Variants in TMEM131L observed in about 807,000 individuals in gnomAD.
The protein encoded by TMEM131L is transmembrane protein 131-like.
In TMEM131L, 54 loss-of-function variants were observed where a neutral mutation model predicts 192.2. The observed-to-expected ratio is 0.28, with a 90% confidence interval of 0.23 to 0.35. The LOEUF is 0.35. TMEM131L is among the 10% of genes least tolerant of loss of function. TMEM131L has a pLI of 1.00. For synonymous variants in TMEM131L, 701 were observed against 704.9 expected (o/e 0.99, Z 0.09); for missense variants, 1,888 against 1,972.9 (o/e 0.96, Z 0.82).
intron 26 of TMEM131L, among the ~76,000 whole-genome samples, chr4:153,614,935 A>G (rs1416211531): frequency 6.6e-6 from 1 of 152,148 alleles, no homozygotes; most frequent in African/African-American, 2.4e-5. Context: ...TCACATGGCC[A>G]TTTACAAAAG....
At chr4:153,612,070 TAATATA>T (rs1391879916) in intron 25 of TMEM131L, among the ~76,000 whole-genome samples, 176 bp from the exon 26 acceptor site, 2 of 152,224 alleles carry the variant, frequency 1.3e-5, no homozygotes, top group Non-Finnish European at 2.9e-5. Context: ...GTAGAACTCT[TAATATA>T]AGTATACTTT....
At chr4:153,560,560 G>T (rs865977696) in intron 7 of TMEM131L, among the ~76,000 whole-genome samples, 4 of 152,192 alleles carry the variant, frequency 2.6e-5, no homozygotes, top group Non-Finnish European at 5.9e-5. Context: ...ATCCAAAGTT[G>T]TGCAGCCCTC....
At chr4:153,615,163 G>A (rs9995621) in intron 26 of TMEM131L, among the ~76,000 whole-genome samples, 8,579 of 152,240 alleles carry the variant, frequency 0.056, 464 homozygotes, top group African/African-American at 0.12. Flanking sequence ...TGCAAAATAA[G>A]GATGATAATT....
At chr4:153,483,454 G>A (rs145070911) in intron 3 of TMEM131L, among the ~76,000 whole-genome samples, 1 of 152,156 alleles carries the variant, frequency 6.6e-6, no homozygotes, top group African/African-American at 2.4e-5. Context: ...CTAGCACTTT[G>A]AGAGGCTGAG....
chr4:153,504,033 C>T (rs1733793452), intron 3 of TMEM131L, among the ~76,000 whole-genome samples: 1 of 152,086 alleles, frequency 6.6e-6, no homozygotes, highest in Non-Finnish European at 1.5e-5. Context: ...GTGGTGCTAT[C>T]TCGGCTCACT....
intron 3 of TMEM131L, among the ~76,000 whole-genome samples, chr4:153,503,164 T>C (rs1161240778): frequency 6.6e-6 from 1 of 152,280 alleles, no homozygotes; most frequent in Non-Finnish European, 1.5e-5. Context: ...TTAGAAACTT[T>C]CTCAAAAACC....
chr4:153,551,936 C>T (rs1324159526), intron 4 of TMEM131L, among the ~76,000 whole-genome samples: 7 of 152,050 alleles, frequency 4.6e-5, no homozygotes, highest in South Asian at 2.1e-4. Context: ...AGGCTGAGCG[C>T]GGTGGCTCAC....
At chr4:153,549,984 G>T (rs570287494) in intron 3 of TMEM131L, 89 bp from the exon 4 acceptor site, 328 of 544,886 alleles carry the variant, frequency 6.0e-4, no homozygotes, top group African/African-American at 5.9e-3. Context: ...TATATGTCAT[G>T]CATTGAGAGT....
chr4:153,576,213 GC>G (rs1729929409), intron 7 of TMEM131L, among the ~76,000 whole-genome samples: 1 of 152,142 alleles, frequency 6.6e-6, no homozygotes, highest in Non-Finnish European at 1.5e-5. Flanking sequence ...GCCTGCCTCG[GC>G]CTCCCAGAGT....
intron 3 of TMEM131L, among the ~76,000 whole-genome samples, chr4:153,475,111 C>T (rs1384920877): frequency 9.2e-5 from 14 of 152,192 alleles, no homozygotes; most frequent in Admixed American, 9.2e-4. Context: ...CACCCAGCCC[C>T]AATCCTGCTG....
intron 3 of TMEM131L, among the ~76,000 whole-genome samples, chr4:153,538,553 C>CT (rs138323822): frequency 0.16 from 24,876 of 152,202 alleles, 2,256 homozygotes; most frequent in Middle Eastern, 0.22. Flanking sequence ...AGCCACTTAG[C>CT]TTTCTGGTTT....
chr4:153,621,723 T>G lies in TMEM131L; in HGVS notation c.3733T>G (p.Phe1245Val). The change falls in exon 28 of 35, where the codon TTT becomes GTT. Residue 1245 changes from phenylalanine (F) to valine (V), a missense_variant. Coordinates refer to ENST00000409959, the MANE Select transcript of TMEM131L (RefSeq NM_001131007.2). ...QSDLKLVCSD[F>V]ERSELSSDIN... ...TGATCTAAAGCTTGTGTGCAGTGAC[T>G]TTGAGAGGTCTGAGCTGAGCAGTGA... is the stretch of plus-strand genomic sequence containing the variant. 1 of 1,614,178 alleles carries G rather than the reference T, an allele frequency of 6.2e-7. No individual in the cohort carries two copies. Among genetic ancestry groups the G allele is most frequent in the Non-Finnish European group, 8.5e-7 (1 of 1,180,014 alleles).
At chr4:153,605,342 C>T (rs12510162) in intron 25 of TMEM131L, among the ~76,000 whole-genome samples, 11,039 of 152,212 alleles carry the variant, frequency 0.073, 578 homozygotes, top group African/African-American at 0.14. Context: ...TTTGAATATA[C>T]GTATTTCTGT....
chr4:153,589,041 G>A, intron 16 of TMEM131L, 34 bp downstream of exon 16: 3 of 1,140,242 alleles, frequency 2.6e-6, no homozygotes, highest in Non-Finnish European at 4.0e-6. Context: ...TTGTTCGGTG[G>A]TGGGGAGACA....
chr4:153,559,716 C>G (rs1184603878), intron 7 of TMEM131L, among the ~76,000 whole-genome samples: 6 of 152,168 alleles, frequency 3.9e-5, no homozygotes, highest in Admixed American at 3.9e-4. Context: ...ATCCCATTAA[C>G]TGCCAGGATC....
intron 21 of TMEM131L, 132 bp from the exon 22 acceptor site, chr4:153,602,020 T>C (rs1325199044): frequency 3.7e-6 from 2 of 534,858 alleles, no homozygotes; most frequent in African/African-American, 2.0e-5. Context: ...TTTGAGCTTA[T>C]GTTGGATTTT....
chr4:153,564,986 CTT>C (rs1729101059), intron 7 of TMEM131L, among the ~76,000 whole-genome samples: 1 of 152,216 alleles, frequency 6.6e-6, no homozygotes, highest in African/African-American at 2.4e-5. Context: ...CACAAGCTCT[CTT>C]AGCCTCATAA....
intron 3 of TMEM131L, among the ~76,000 whole-genome samples, chr4:153,542,111 G>T (rs1370471771): frequency 6.6e-6 from 1 of 152,262 alleles, no homozygotes; most frequent in Non-Finnish European, 1.5e-5. Context: ...AAATGTCAGT[G>T]AAGGAAGCAT....
intron 3 of TMEM131L, among the ~76,000 whole-genome samples, chr4:153,495,135 T>C (rs779015859): frequency 2.0e-5 from 3 of 152,144 alleles, no homozygotes; most frequent in Non-Finnish European, 2.9e-5. Flanking sequence ...GCCAACATGC[T>C]GAAACCCCAT....
Sources: gnomAD v4.1 joint callset for allele counts (sites outside exome capture counted in the v4.1 genomes callset) on GRCh38, gnomAD v4.1.1 for gene constraint, MANE v1.5 for transcripts, NCBI Gene and HGNC (gene_info 2026-07-23, HGNC 2026-07-21) for gene names.